The following MARCHF1 variants were observed in gnomAD, a reference collection of about 807,000 sequenced individuals.
MARCHF1 encodes the protein membrane associated ring-CH-type finger 1.
Under a neutral mutation model 54.2 loss-of-function variants are expected in MARCHF1, and 40 were observed. The observed-to-expected ratio is 0.74, with a 90% CI of 0.57 to 0.96. MARCHF1 has a LOEUF of 0.96. MARCHF1 is among the 40% of genes least tolerant of loss of function. The pLI is 0.00. For synonymous variants in MARCHF1, 236 were observed against 236.3 expected (o/e 1.00, Z 0.01); for missense variants, 586 against 656.5 (o/e 0.89, Z 1.17).
chr4:163,992,993 C>T (rs940505205), intron 2 of MARCHF1, among the ~76,000 whole-genome samples: 8 of 151,714 alleles, frequency 5.3e-5, no homozygotes, highest in African/African-American at 1.9e-4. Context: ...CAAATGGCCA[C>T]CGTCAAAGAT....
intron 3 of MARCHF1, among the ~76,000 whole-genome samples, chr4:163,938,937 T>C (rs1751855339): frequency 6.6e-6 from 1 of 152,178 alleles, no homozygotes; most frequent in Non-Finnish European, 1.5e-5. Context: ...GTCCTGCCTT[T>C]GACATGTGGG....
rs138611965 is a variant in MARCHF1, at chr4:163,879,279, G to C, written c.-38-25110C>G. Among the ~76,000 whole-genome samples, 983 of 152,212 alleles carry C rather than the reference G, an allele frequency of 6.5e-3. 8 individuals are homozygous for C. The highest frequency in any genetic ancestry group is 0.019 in the East Asian group (97 of 5,184). On this transcript the variant is annotated intron_variant, in intron 3 of 9. Coordinates refer to ENST00000514618, the MANE Select transcript of MARCHF1 (RefSeq NM_001394959.1). ...ATAAGAGGGAATTCCTGGGTTTGAG[G>C]GTGCTCAGAACATCAGCATGGCTGC...
Position 164,103,966 on chromosome 4 carries a change from A to G in MARCHF1, c.-248+7622T>C, listed in dbSNP as rs866214836. Among the ~76,000 whole-genome samples, 436 of 150,922 alleles carry G rather than the reference A, an allele frequency of 2.9e-3. 7 individuals carry two copies. Among genetic ancestry groups the G allele is most frequent in the African/African-American group, 0.01 (406 of 40,376 alleles). ...CAATCCCACAGAAATACAAACTACC[A>G]TCAGGGAATACTACAAACACCTCTA... On this transcript the variant is annotated intron_variant, in intron 2 of 9. Coordinates refer to ENST00000514618, the MANE Select transcript of MARCHF1 (RefSeq NM_001394959.1).
intron 2 of MARCHF1, among the ~76,000 whole-genome samples, chr4:164,005,049 C>T (rs1753259121): frequency 6.6e-6 from 1 of 151,610 alleles, no homozygotes; most frequent in South Asian, 2.1e-4. Flanking sequence ...CAACCAGAAG[C>T]TGATTCTTTG....
At chr4:163,741,582 CA>C (rs71600636) in intron 4 of MARCHF1, among the ~76,000 whole-genome samples, 1,614 of 126,558 alleles carry the variant, frequency 0.013, 25 homozygotes, top group African/African-American at 0.042. Flanking sequence ...GACTCTGTCT[CA>C]AAAAAAAAAA....
rs546053244 is a variant in MARCHF1 at position 163,644,374 on chromosome 4, C to T, written c.163-30981G>A. On this transcript the variant is annotated intron_variant, in intron 5 of 9. Coordinates refer to ENST00000514618, the MANE Select transcript of MARCHF1 (RefSeq NM_001394959.1). The stretch of plus-strand genomic sequence containing the variant: ...ATTCATACTTAGGCACCAGATTTAC[C>T]TAAAGTGAGACAGGCTTGCCCACTT... Among the ~76,000 whole-genome samples, 79 of 152,218 alleles carry T rather than the reference C, an allele frequency of 5.2e-4. 1 individual carries two copies. Among genetic ancestry groups the T allele is most frequent in the African/African-American group, 1.6e-3 (66 of 41,552 alleles).
At chr4:164,383,170 A>C (rs1204098152) in intron 1 of MARCHF1, 2 of 152,268 alleles carry the variant, frequency 1.3e-5, no homozygotes, top group Non-Finnish European at 2.9e-5. Flanking sequence ...CAGCACCTGG[A>C]TAACTGCGAC....
intron 3 of MARCHF1, among the ~76,000 whole-genome samples, chr4:163,914,308 A>G (rs925366229): frequency 2.0e-4 from 30 of 152,290 alleles, no homozygotes; most frequent in African/African-American, 6.3e-4. Context: ...AAAATTATTA[A>G]TATACATTAT....
At chr4:164,036,867 T>C (rs1754016920) in intron 2 of MARCHF1, among the ~76,000 whole-genome samples, 1 of 152,200 alleles carries the variant, frequency 6.6e-6, no homozygotes, top group Non-Finnish European at 1.5e-5. Flanking sequence ...AAATGGGTAT[T>C]ATCTAATGGT....
chr4:163,776,300 A>C (rs897456482), intron 4 of MARCHF1, among the ~76,000 whole-genome samples: 2 of 151,844 alleles, frequency 1.3e-5, no homozygotes, highest in Admixed American at 6.6e-5. Flanking sequence ...GCAACTTTTC[A>C]GTATCTGTTC....
intron 3 of MARCHF1, among the ~76,000 whole-genome samples, chr4:163,981,640 C>CAAATTGAGGGA (rs1392196192): frequency 6.6e-6 from 1 of 152,180 alleles, no homozygotes; most frequent in African/African-American, 2.4e-5. Context: ...GATCCTCCCC[C>CAAATTGAGGGA]TTCAGCAGTA....
chr4:163,834,279 CAA>C (rs568943357), intron 4 of MARCHF1, among the ~76,000 whole-genome samples: 1 of 129,446 alleles, frequency 7.7e-6, no homozygotes. Flanking sequence ...AAAAACCTGC[CAA>C]AAAAAAAAAA....
chr4:163,559,325 A>C (rs1739394359), intron 8 of MARCHF1, among the ~76,000 whole-genome samples: 1 of 152,190 alleles, frequency 6.6e-6, no homozygotes, highest in Non-Finnish European at 1.5e-5. Context: ...ATGCAACTTT[A>C]GTTTTTGTAT....
chr4:164,109,346 C>T (rs1261465549), intron 2 of MARCHF1, among the ~76,000 whole-genome samples: 3 of 151,892 alleles, frequency 2.0e-5, no homozygotes, highest in Non-Finnish European at 4.4e-5. Context: ...TCAGTTATTC[C>T]TGTGCTTAAA....
chr4:163,854,125 C>T lies in MARCHF1; in HGVS notation c.7G>A (p.Gly3Ser), dbSNP rs1749708474. The T allele has an allele frequency of 2.6e-6, 4 of 1,534,346 alleles. No individual in the cohort carries two copies. In the African/African-American group the frequency reaches 5.5e-5, roughly 21 times the overall value. The change falls in exon 4 of 10, where the codon GGC becomes AGC. Residue 3 changes from glycine (G) to serine (S), a missense_variant. Transcript: ENST00000514618. The stretch of plus-strand genomic sequence containing the variant: ...TTACGGGCTATCGCTTCACACCAGC[C>T]CAGCATTTTCTCCTTCCTCTTATCC... ML[G>S]WCEAIARNPH...
At chr4:163,626,017 G>C (rs1456573122) in intron 5 of MARCHF1, among the ~76,000 whole-genome samples, 1 of 152,104 alleles carries the variant, frequency 6.6e-6, no homozygotes, top group Non-Finnish European at 1.5e-5. Context: ...GGGCTGGGAA[G>C]GGAAAAATAA....
At chr4:164,197,811 C>A (rs1731324307) in intron 1 of MARCHF1, 29 of 1,558,560 alleles carry the variant, frequency 1.9e-5, no homozygotes, top group Admixed American at 4.0e-5. Flanking sequence ...AAGACTCAAC[C>A]AGCTCCGCTC....
At chr4:163,595,274 G>A (rs376484686) in intron 7 of MARCHF1, among the ~76,000 whole-genome samples, 1 of 151,700 alleles carries the variant, frequency 6.6e-6, no homozygotes, top group Non-Finnish European at 1.5e-5. Context: ...CACTTTGGGA[G>A]GCCAAGGCAG....
At chr4:163,670,765 A>G (rs1454621638) in intron 5 of MARCHF1, among the ~76,000 whole-genome samples, 1 of 152,194 alleles carries the variant, frequency 6.6e-6, no homozygotes, top group Admixed American at 6.5e-5. Context: ...TCATACAAAG[A>G]TTTTAGGAGC....
Sources: allele counts gnomAD v4.1 joint callset (sites outside exome capture counted in the v4.1 genomes callset), GRCh38; gene constraint gnomAD v4.1.1; transcripts MANE v1.5; gene names NCBI Gene and HGNC (gene_info 2026-07-23, HGNC 2026-07-21).